ASL: variants seen among roughly 807,000 people sequenced by gnomAD.
ASL encodes the protein argininosuccinate lyase, also known as argininosuccinase.
Under a neutral mutation model 69.1 loss-of-function variants are expected in ASL, and 51 were observed. The ratio of observed to expected loss-of-function variants is 0.74; its 90% CI spans 0.59 to 0.93. ASL has a LOEUF of 0.93. Among genes scored for constraint, ASL ranks in the 40% least tolerant of loss-of-function variants. The pLI is 0.00. For synonymous variants in ASL, 241 were observed against 247.6 expected (o/e 0.97, Z 0.25); for missense variants, 540 against 623.9 (o/e 0.87, Z 1.43).
rs1022362903 is a variant in ASL at position 66,093,272 on chromosome 7, G to A, written c.*360G>A. The A allele has an allele frequency of 1.3e-5, 5 of 370,962 alleles. No homozygotes were observed. The highest frequency in any genetic ancestry group is 4.1e-5 in the African/African-American group (2 of 48,304). 23.0% of individuals were successfully genotyped at this position (370,962 alleles called of 1,614,324 possible). A position where few individuals can be genotyped will look rare whatever the true frequency, so the allele number is the denominator to read the frequency against. The stretch of plus-strand genomic sequence containing the variant: ...GGAGGCTGCAGTGAGCTATGATCAC[G>A]CCACTGCATTCCAGCCTGGATAACA... On this transcript the variant is annotated 3_prime_UTR_variant, in exon 17 of 17. Transcript: ENST00000304874.
At chr7:66,078,379 T>G (rs1786408202) in intron 2 of ASL, among the ~76,000 whole-genome samples, 1 of 151,964 alleles carries the variant, frequency 6.6e-6, no homozygotes, top group Non-Finnish European at 1.5e-5. Flanking sequence ...CAGTCGGGAC[T>G]GTTGGGCATA....
chr7:66,081,559 G>C (rs1394325829), intron 2 of ASL, among the ~76,000 whole-genome samples: 1 of 149,426 alleles, frequency 6.7e-6, no homozygotes, highest in African/African-American at 2.5e-5. Context: ...CAGCCTGGCC[G>C]ACAAAGTGAG....
At chr7:66,080,432 A>C (rs1001527298) in intron 2 of ASL, among the ~76,000 whole-genome samples, 1 of 151,132 alleles carries the variant, frequency 6.6e-6, no homozygotes. Flanking sequence ...TTTTTAATGA[A>C]CAAAACAGGC....
rs369399314 is a variant in ASL at position 66,076,041 on chromosome 7, C to T, written c.-41C>T. 1.3e-6 allele frequency: 2 copies of T among 1,587,824 alleles called. No homozygotes were observed. Among genetic ancestry groups the T allele is most frequent in the African/African-American group, 2.7e-5 (2 of 74,342 alleles). Reference sequence around the variant, plus strand: ...GTCAGTCCGGTCTTGTCTTCCAGACCCGGAGGACCGAAGCTTCCGGACGAC... The same window carrying T: ...GTCAGTCCGGTCTTGTCTTCCAGACTCGGAGGACCGAAGCTTCCGGACGAC... On this transcript the variant is annotated splice_region_variant and 5_prime_UTR_variant, in exon 2 of 17. Coordinates refer to ENST00000304874, the MANE Select transcript of ASL (RefSeq NM_000048.4).
chr7:66,082,290 G>A, intron 3 of ASL, 78 bp from the exon 4 acceptor site: 1 of 1,419,476 alleles, frequency 7.0e-7, no homozygotes. Context: ...ACCAGGGATA[G>A]GGTGGGACCA....
intron 6 of ASL, among the ~76,000 whole-genome samples, chr7:66,084,507 T>A (rs1462959478): frequency 6.6e-6 from 1 of 152,128 alleles, no homozygotes; most frequent in Non-Finnish European, 1.5e-5. Context: ...AGAGATGAGA[T>A]CCTGCTCTGT....
Position 66,092,217 on chromosome 7 carries a change from C to T in ASL, c.1143+131C>T, listed in dbSNP as rs554835757. 49 of 1,095,506 alleles carry T rather than the reference C, an allele frequency of 4.5e-5. No individual in the cohort carries two copies. In the African/African-American group the frequency reaches 5.9e-4, roughly 13 times the overall value. The allele number at this position is 1,095,506 out of a possible 1,614,324, so 67.9% of individuals were successfully genotyped here. A position where few individuals can be genotyped will look rare whatever the true frequency, so the allele number is the denominator to read the frequency against. ...CTGTAATCCCAGCACTTTGGGAAGCCGAGGTGGGCGGGTCACTTGAGGCCA... is the reference window on the plus strand; with the variant it reads ...CTGTAATCCCAGCACTTTGGGAAGCTGAGGTGGGCGGGTCACTTGAGGCCA... On this transcript the variant is annotated intron_variant, in intron 15 of 16. Transcript: ENST00000304874.
Position 66,089,266 on chromosome 7 carries a change from C to T in ASL, c.919-10C>T, listed in dbSNP as rs199585001. 1.7e-5 allele frequency: 27 copies of T among 1,611,372 alleles called. No individual in the cohort carries two copies. The highest frequency in any genetic ancestry group is 2.7e-5 in the African/African-American group (2 of 75,022). On this transcript the variant is annotated splice_polypyrimidine_tract_variant and intron_variant, in intron 12 of 16. Coordinates refer to ENST00000304874, the MANE Select transcript of ASL (RefSeq NM_000048.4). ...CCGGGTCCAGCCCCTGTGCCTCCCT[C>T]TTCCCGCAGTGTGCCGGGCTCCTGA...
At chr7:66,082,825 G>T in intron 4 of ASL, 55 bp from the exon 5 acceptor site, 1 of 1,608,902 alleles carries the variant, frequency 6.2e-7, no homozygotes, top group African/African-American at 1.3e-5. Flanking sequence ...TGCCCTGCCT[G>T]GGTTGACTCC....
chr7:66,090,614 A>G (rs919597795), intron 14 of ASL, among the ~76,000 whole-genome samples: 1 of 152,090 alleles, frequency 6.6e-6, no homozygotes, highest in Non-Finnish European at 1.5e-5. Context: ...ATTTATGTAT[A>G]TAACAGCTAG....
At position 66,092,054 on chromosome 7, in the gene ASL, A is replaced by T; in HGVS notation, c.1111A>T (p.Thr371Ser). The T allele has an allele frequency of 1.2e-6, 2 of 1,613,368 alleles. No homozygotes were observed. Among genetic ancestry groups the T allele is most frequent in the Non-Finnish European group, 1.7e-6 (2 of 1,180,018 alleles). ...GQALSPDMLA[T>S]DLAYYLVRKG... ...GGCTCTCAGCCCCGACATGCTGGCC[A>T]CTGACCTTGCCTATTACCTGGTCCG... The change falls in exon 15 of 17, where the codon ACT becomes TCT. Residue 371 changes from threonine to serine, a missense_variant. Physicochemically the swap from Thr to Ser is moderately conservative, Grantham distance 58. Transcript: ENST00000304874.
intron 1 of ASL, 32 bp from the exon 2 acceptor site, chr7:66,076,007 A>C (rs1466397730): frequency 6.4e-7 from 1 of 1,553,228 alleles, no homozygotes; most frequent in East Asian, 2.4e-5. Flanking sequence ...CCTGCTGGCC[A>C]AGGAGGTCGT....
At chr7:66,077,605 T>C (rs374899746) in intron 2 of ASL, among the ~76,000 whole-genome samples, 1 of 151,628 alleles carries the variant, frequency 6.6e-6, no homozygotes, top group Non-Finnish European at 1.5e-5. Flanking sequence ...GGTGGGTGCC[T>C]GTAGTCCCAG....
At position 66,078,022 on chromosome 7, in the gene ASL, C is replaced by G. The variant is rs745736107; in HGVS notation, c.12+1929C>G. On this transcript the variant is annotated intron_variant, in intron 2 of 16. Transcript: ENST00000304874. ...TTGGTTCTAGAGCAGAGTGGTCTGGCTTCCAACAAGCCCAGTGTTCTAGGT... is the reference window on the plus strand; with the variant it reads ...TTGGTTCTAGAGCAGAGTGGTCTGGGTTCCAACAAGCCCAGTGTTCTAGGT... Among the ~76,000 whole-genome samples the G allele has an allele frequency of 8.5e-5, 13 of 152,312 alleles. 1 individual carries two copies. The highest frequency in any genetic ancestry group is 1.5e-4 in the Non-Finnish European group (10 of 68,012).
At position 66,092,596 on chromosome 7, in the gene ASL, G is replaced by A. The variant is rs1222076873; in HGVS notation, c.1183G>A (p.Val395Met). 1 of 1,612,502 alleles carries A rather than the reference G, an allele frequency of 6.2e-7. No homozygotes were observed. The highest frequency in any genetic ancestry group is 1.3e-5 in the African/African-American group (1 of 74,938). The change falls in exon 16 of 17, where the codon GTG becomes ATG. Residue 395 changes from valine (V) to methionine (M), a missense_variant. Physicochemically the swap from Val to Met is conservative, Grantham distance 21. Transcript: ENST00000304874. The stretch of plus-strand genomic sequence containing the variant: ...GGCCCACGAGGCCTCCGGGAAAGCT[G>A]TGTTCATGGCCGAGACCAAGGGGGT... ...RQAHEASGKA[V>M]FMAETKGVAL...
intron 2 of ASL, among the ~76,000 whole-genome samples, chr7:66,078,786 C>T (rs1198894692): frequency 3.3e-5 from 5 of 151,966 alleles, no homozygotes; most frequent in Non-Finnish European, 5.9e-5. Context: ...AGCTTCCTGC[C>T]ACCGCGCCTG....
intron 2 of ASL, among the ~76,000 whole-genome samples, chr7:66,077,453 G>T (rs1240072116): frequency 1.3e-5 from 2 of 151,774 alleles, no homozygotes; most frequent in African/African-American, 4.8e-5. Context: ...AACCTGGCAG[G>T]CATGGTGGCT....
At chr7:66,088,688 C>T (rs902562834) in intron 10 of ASL, 119 bp from the exon 11 acceptor site, 12 of 840,826 alleles carry the variant, frequency 1.4e-5, no homozygotes, top group Middle Eastern at 3.1e-4. Context: ...ACGACCCCAT[C>T]TTTGCGAAAA....
At chr7:66,084,982 T>C (rs2115713412) in intron 6 of ASL, among the ~76,000 whole-genome samples, 1 of 152,172 alleles carries the variant, frequency 6.6e-6, no homozygotes, top group African/African-American at 2.4e-5. Flanking sequence ...GGTCTCAAAC[T>C]CCCGGCCTTA....
Sources: gnomAD v4.1 joint callset for allele counts (sites outside exome capture counted in the v4.1 genomes callset) on GRCh38, gnomAD v4.1.1 for gene constraint, MANE v1.5 for transcripts, NCBI Gene and HGNC (gene_info 2026-07-23, HGNC 2026-07-21) for gene names.